Variants in PRSS54 observed in about 807,000 individuals in gnomAD.
The protein encoded by PRSS54 is serine protease 54.
PRSS54 carries 16 observed loss-of-function variants against 19.9 expected under a neutral mutation model. The observed-to-expected ratio is 0.80, with a 90% CI of 0.54 to 1.22. The LOEUF (loss-of-function observed/expected upper bound fraction) is 1.22. Among genes scored for constraint, PRSS54 ranks in the 50% most tolerant of loss-of-function variants. The pLI, the probability that PRSS54 is intolerant of heterozygous loss-of-function variation, is 0.00. For missense variants in PRSS54, 444 were observed against 494.8 expected (o/e 0.90, Z 0.97); for synonymous variants, 177 against 195.8 (o/e 0.90, Z 0.80).
chr16:58,288,576 C>T (rs1964969141), intron 4 of PRSS54, among the ~76,000 whole-genome samples: 1 of 152,124 alleles, frequency 6.6e-6, no homozygotes, highest in Non-Finnish European at 1.5e-5. Context: ...CCATGGAGGG[C>T]TAGTTGGCAG....
At chr16:58,286,611 A>T (rs1409229840) in intron 4 of PRSS54, among the ~76,000 whole-genome samples, 2 of 151,762 alleles carry the variant, frequency 1.3e-5, no homozygotes, top group East Asian at 3.9e-4. Flanking sequence ...ATCTTTCTTT[A>T]TTATATATTC....
rs1964677291 is a variant in PRSS54 at position 58,280,141 on chromosome 16, A to G, written c.*83T>C. ...GGCAGCCCCAGTGTGCAACTATCAAAAACAGACATCAAAACAGCATGGTGA... is the reference window on the plus strand; with the variant it reads ...GGCAGCCCCAGTGTGCAACTATCAAGAACAGACATCAAAACAGCATGGTGA... On this transcript the variant is annotated 3_prime_UTR_variant, in exon 7 of 7. Transcript: ENST00000567164. 2 of 1,421,694 alleles carry G rather than the reference A, an allele frequency of 1.4e-6. No individual in the cohort carries two copies. The highest frequency in any genetic ancestry group is 4.2e-5 in the Admixed American group (2 of 48,038). 88.1% of individuals were successfully genotyped at this position (1,421,694 alleles called of 1,614,324 possible). A position where few individuals can be genotyped will look rare whatever the true frequency, so the allele number is the denominator to read the frequency against.
In PRSS54 at chr16:58,280,318, TC is replaced by T; in HGVS notation, c.1093del (p.Glu365LysfsTer40). On this transcript the variant is annotated frameshift_variant, in exon 7 of 7. Transcript: ENST00000567164. LOFTEE classifies it low-confidence loss of function (END_TRUNC). ...GTTCTGACCTGCAAAAATCCTACCT[TC>T]CCCCACCTCCCCACCGTAATAGTCA... ...YYDYYGGEVGEGRIFAGQNRL... is the reference protein window; with the variant it reads ...YYDYYGGEVGXGRIFAGQNRL... 1 of 1,613,766 alleles carries T rather than the reference TC, an allele frequency of 6.2e-7. No individual in the cohort carries two copies. The highest frequency in any genetic ancestry group is 8.5e-7 in the Non-Finnish European group (1 of 1,179,942).
At chr16:58,289,185 G>A (rs1466999360) in intron 4 of PRSS54, among the ~76,000 whole-genome samples, 1 of 152,228 alleles carries the variant, frequency 6.6e-6, no homozygotes, top group African/African-American at 2.4e-5. Context: ...TGAGGACACA[G>A]TGAGAGGGTG....
At chr16:58,294,501 C>T (rs1367980515) in intron 1 of PRSS54, among the ~76,000 whole-genome samples, 2 of 152,138 alleles carry the variant, frequency 1.3e-5, no homozygotes, top group Non-Finnish European at 2.9e-5. Flanking sequence ...CAGATGTGCG[C>T]CACCACGCCC....
chr16:58,294,783 T>A (rs976376125), intron 1 of PRSS54, 104 bp downstream of exon 1: 1 of 152,164 alleles, frequency 6.6e-6, no homozygotes, highest in African/African-American at 2.4e-5. Flanking sequence ...TTTTACAGAT[T>A]CAGAAACTGA....
In PRSS54 at chr16:58,285,995, A is replaced by G. The variant is rs1964912356; in HGVS notation, c.464T>C (p.Leu155Pro). 18 of 1,614,068 alleles carry G rather than the reference A, an allele frequency of 1.1e-5. No homozygotes were observed. Among genetic ancestry groups the G allele is most frequent in the Non-Finnish European group, 1.5e-5 (18 of 1,180,030 alleles). Residue 155 changes from leucine (L) to proline (P), a missense_variant, in exon 5 of 7, where the codon CTG becomes CCG. By Grantham distance (98) the Leu-to-Pro change is moderately conservative. Transcript: ENST00000567164. ...VQSICFLGRM[L>P]HTPPVLQNCW... is the part of the protein sequence containing the mutation. ...GTTCTGCAAGACTGGTGGTGTATGC[A>G]GCATTCTGCCGAGGAAGCAGATGGA...
At chr16:58,290,343 A>G (rs1011598996) in intron 4 of PRSS54, among the ~76,000 whole-genome samples, 1 of 152,120 alleles carries the variant, frequency 6.6e-6, no homozygotes, top group Non-Finnish European at 1.5e-5. Context: ...GATTCCCAAA[A>G]ATGAAGTCAC....
Position 58,294,126 on chromosome 16 carries a change from A to AC in PRSS54, c.-149dup, listed in dbSNP as rs1411045511. On this transcript the variant is annotated 5_prime_UTR_variant, in exon 2 of 7. The change abolishes the stop of an existing upstream ORF in the 5' untranslated region. Coordinates refer to ENST00000567164, the MANE Select transcript of PRSS54 (RefSeq NM_001305173.2). ...CTCAATCCAGCCCAAGCCCCTGAGCACCCCAGAGAGTTGGGTCTCTGAAAA... is the reference window on the plus strand; with the variant it reads ...CTCAATCCAGCCCAAGCCCCTGAGCACCCCCAGAGAGTTGGGTCTCTGAAAA... 1.2e-5 allele frequency: 4 copies of AC among 344,228 alleles called. No individual in the cohort carries two copies. The highest frequency in any genetic ancestry group is 2.2e-5 in the Non-Finnish European group (4 of 184,062). The allele number at this position is 344,228 out of a possible 1,614,324, so 21.3% of individuals were successfully genotyped here.
Position 58,286,046 on chromosome 16 carries a change from G to C in PRSS54, c.413C>G (p.Ala138Gly). The C allele has an allele frequency of 6.2e-7, 1 of 1,614,180 alleles. No homozygotes were observed. The change falls in exon 5 of 7, where the codon GCG becomes GGG. Residue 138 changes from alanine to glycine, a missense_variant. Coordinates refer to ENST00000567164, the MANE Select transcript of PRSS54 (RefSeq NM_001305173.2). ...NNIALLKTDT[A>G]MHFGNLVQSI... ...CTGGACCAGGTTGCCAAAATGCATC[G>C]CTGTGTCTGTCTTCAGGAGGGCTAT... is the stretch of plus-strand genomic sequence containing the variant.
rs1364596633 is a variant in PRSS54 at position 58,286,242 on chromosome 16, G to A, written c.264-47C>T. 2.5e-6 allele frequency: 4 copies of A among 1,599,284 alleles called. No individual in the cohort carries two copies. In the Admixed American group the frequency reaches 6.7e-5, roughly 27 times the overall value. The stretch of plus-strand genomic sequence containing the variant: ...CTTGAGAAGCCAAGACAGCAAGGAA[G>A]CTTCACGCTTCCCTGTTTTCCCATT... On this transcript the variant is annotated intron_variant, in intron 4 of 6. Coordinates refer to ENST00000567164, the MANE Select transcript of PRSS54 (RefSeq NM_001305173.2).
At chr16:58,281,282 G>A (rs1015328969) in intron 6 of PRSS54, 30 of 158,530 alleles carry the variant, frequency 1.9e-4, no homozygotes, top group Admixed American at 1.2e-3. Flanking sequence ...TTAAAGTGAC[G>A]GAGTAGAAGC....
At chr16:58,293,871 G>A in intron 2 of PRSS54, 49 bp from the exon 3 acceptor site, 2 of 1,495,742 alleles carry the variant, frequency 1.3e-6, no homozygotes, top group Non-Finnish European at 1.8e-6. Context: ...AACACATGCA[G>A]GGTTTTCTAT....
intron 4 of PRSS54, among the ~76,000 whole-genome samples, chr16:58,288,925 G>T (rs1964976979): frequency 6.6e-6 from 1 of 152,198 alleles, no homozygotes; most frequent in Non-Finnish European, 1.5e-5. Context: ...TGCATTGTGG[G>T]TGTGTCGGGA....
Position 58,284,679 on chromosome 16 carries a change from C to A in PRSS54, c.565G>T (p.Val189Leu), listed in dbSNP as rs11859950. Residue 189 changes from valine to leucine, a missense_variant, in exon 6 of 7, where the codon GTG becomes TTG. By Grantham distance (32) the Val-to-Leu change is conservative. Coordinates refer to ENST00000567164, the MANE Select transcript of PRSS54 (RefSeq NM_001305173.2). ...AGGGGACACATGTCAAGATCTTTCA[C>A]GAAGATTTTCCTCAGGACACTCATC... ...MTMSVLRKIF[V>L]KDLDMCPLYK... is the part of the protein sequence containing the mutation. The A allele has an allele frequency of 6.2e-7, 1 of 1,614,084 alleles. No individual in the cohort carries two copies.
chr16:58,284,872 T>C (rs72786150), intron 5 of PRSS54, 151 bp from the exon 6 acceptor site: 75,634 of 777,080 alleles, frequency 0.097, 4,246 homozygotes, highest in Admixed American at 0.13. Flanking sequence ...TGGAGTACAG[T>C]GGTGTGATCT....
chr16:58,281,461 G>A (rs1964734974), intron 6 of PRSS54: 1 of 152,516 alleles, frequency 6.6e-6, no homozygotes, highest in Admixed American at 6.5e-5. Context: ...TCGCTATAAA[G>A]GCCAGCATTT....
chr16:58,285,785 A>G, intron 5 of PRSS54, 152 bp downstream of exon 5: 1 of 675,922 alleles, frequency 1.5e-6, no homozygotes, highest in Non-Finnish European at 2.4e-6. Context: ...AAGCCCTGGG[A>G]GTCTTGACTG....
In PRSS54 at chr16:58,286,172, C is replaced by T. The variant is rs772304142; in HGVS notation, c.287G>A (p.Gly96Asp). The stretch of plus-strand genomic sequence containing the variant: ...CTTGCTAGGATCCATGTTACTTATA[C>T]CCACTATAACGACAATGTCCTTCCT... ...QNRKDIVVIV[G>D]ISNMDPSKIA... Residue 96 changes from glycine (G) to aspartate (D), a missense_variant, in exon 5 of 7, where the codon GGT (glycine) becomes GAT (aspartate). Coordinates refer to ENST00000567164, the MANE Select transcript of PRSS54 (RefSeq NM_001305173.2). The T allele has an allele frequency of 1.9e-6, 3 of 1,614,124 alleles. No individual in the cohort carries two copies. The highest frequency in any genetic ancestry group is 2.5e-6 in the Non-Finnish European group (3 of 1,179,980).
Sources: gnomAD v4.1 joint callset for allele counts (sites outside exome capture counted in the v4.1 genomes callset) on GRCh38, gnomAD v4.1.1 for gene constraint, MANE v1.5 for transcripts, NCBI Gene and HGNC (gene_info 2026-07-23, HGNC 2026-07-21) for gene names.